Variants in CDH18 observed in about 807,000 individuals in gnomAD.
CDH18 encodes cadherin 18.
In CDH18, 31 loss-of-function variants were observed where a neutral mutation model predicts 67.9. The observed-to-expected ratio is 0.46, with a 90% confidence interval of 0.34 to 0.62. The LOEUF (loss-of-function observed/expected upper bound fraction) is 0.62, where lower values mean the gene tolerates loss of function less well. CDH18 is among the 20% of genes least tolerant of loss of function. The pLI is 0.01. For missense variants in CDH18, 890 were observed against 975.5 expected (o/e 0.91, Z 1.17); for synonymous variants, 362 against 347.2 (o/e 1.04, Z -0.48).
intron 8 of CDH18, among the ~76,000 whole-genome samples, chr5:19,564,196 T>C (rs376406267): frequency 6.8e-4 from 104 of 152,222 alleles, no homozygotes; most frequent in African/African-American, 2.3e-3. Flanking sequence ...TGTGCTGGGC[T>C]TGGAGCCAGT....
At chr5:20,369,846 C>A (rs902695322) in intron 1 of CDH18, among the ~76,000 whole-genome samples, 55 of 152,266 alleles carry the variant, frequency 3.6e-4, no homozygotes, top group African/African-American at 1.3e-3. Flanking sequence ...AACTTTTTAA[C>A]ATAAAATTTC....
chr5:19,649,701 C>T (rs1004435235), intron 5 of CDH18, among the ~76,000 whole-genome samples: 1 of 151,876 alleles, frequency 6.6e-6, no homozygotes, highest in Admixed American at 6.6e-5. Flanking sequence ...AAAAAGGTCT[C>T]ATCATAAAAA....
Position 20,116,893 on chromosome 5 carries a change from A to C in CDH18, c.-517-124879T>G, listed in dbSNP as rs377306844. Among the ~76,000 whole-genome samples, 96 of 152,302 alleles carry C rather than the reference A, an allele frequency of 6.3e-4. No homozygotes were observed. In the South Asian group the frequency reaches 0.017, roughly 27 times the overall value. ...AAAAATCCATGTGGATGGGGTTATA[A>C]AAGTAAACAAAAGAAAACAACATAT... On this transcript the variant is annotated intron_variant, in intron 2 of 14. Coordinates refer to the CDH18 transcript ENST00000507958.
intron 1 of CDH18, among the ~76,000 whole-genome samples, chr5:20,544,220 T>G (rs202175569): frequency 6.7e-6 from 1 of 150,112 alleles, no homozygotes; most frequent in African/African-American, 2.4e-5. Context: ...TGGAGAAATA[T>G]TCACAAGCAT....
intron 1 of CDH18, among the ~76,000 whole-genome samples, chr5:20,470,804 G>T (rs10071162): frequency 0.016 from 2,509 of 152,154 alleles, 67 homozygotes; most frequent in African/African-American, 0.058. Flanking sequence ...CTTACCCCCG[G>T]ACTTAGCACT....
intron 1 of CDH18, among the ~76,000 whole-genome samples, chr5:20,539,159 G>A (rs1756909899): frequency 6.6e-6 from 1 of 151,832 alleles, no homozygotes; most frequent in African/African-American, 2.4e-5. Flanking sequence ...AAAAAGTGCT[G>A]GTATTACAGG....
intron 1 of CDH18, among the ~76,000 whole-genome samples, chr5:20,382,447 C>A (rs1743986273): frequency 6.6e-6 from 1 of 152,020 alleles, no homozygotes; most frequent in South Asian, 2.1e-4. Context: ...CTGGCTAATT[C>A]ATGGAAGACA....
intron 1 of CDH18, among the ~76,000 whole-genome samples, chr5:20,269,167 A>C (rs968858381): frequency 9.2e-5 from 14 of 152,212 alleles, no homozygotes; most frequent in Non-Finnish European, 7.3e-5. Flanking sequence ...AATGCAAGTC[A>C]AAACCACAAT....
At chr5:20,509,166 G>A (rs1033931373) in intron 1 of CDH18, among the ~76,000 whole-genome samples, 3 of 152,004 alleles carry the variant, frequency 2.0e-5, no homozygotes, top group African/African-American at 7.2e-5. Context: ...TAGTCCCCAT[G>A]TTGTACAATA....
chr5:19,837,706 T>C (rs1212755959), intron 3 of CDH18, among the ~76,000 whole-genome samples: 1 of 152,134 alleles, frequency 6.6e-6, no homozygotes, highest in African/African-American at 2.4e-5. Flanking sequence ...ACAGATGGCT[T>C]GTGATCCTGT....
chr5:19,916,241 A>G (rs976116809), intron 2 of CDH18, among the ~76,000 whole-genome samples: 14 of 152,132 alleles, frequency 9.2e-5, no homozygotes, highest in Non-Finnish European at 1.8e-4. Flanking sequence ...GCCTCTAGTT[A>G]CTTCTCTGAC....
At chr5:19,735,888 T>C (rs1468185986) in intron 4 of CDH18, among the ~76,000 whole-genome samples, 1 of 152,196 alleles carries the variant, frequency 6.6e-6, no homozygotes, top group Admixed American at 6.5e-5. Flanking sequence ...CAAAACACTG[T>C]GCATTTTTAC....
intron 2 of CDH18, among the ~76,000 whole-genome samples, chr5:19,964,073 A>C (rs1293798889): frequency 6.6e-6 from 1 of 152,126 alleles, no homozygotes; most frequent in East Asian, 1.9e-4. Flanking sequence ...GAGTGAGGAC[A>C]CAGCCAAACC....
intron 5 of CDH18, among the ~76,000 whole-genome samples, chr5:19,630,962 T>G (rs926186278): frequency 9.2e-5 from 14 of 152,014 alleles, no homozygotes; most frequent in African/African-American, 3.4e-4. Flanking sequence ...TCTCTTAAAA[T>G]AAAACCAGAA....
At chr5:19,603,156 A>G (rs1747432869) in intron 6 of CDH18, among the ~76,000 whole-genome samples, 1 of 152,182 alleles carries the variant, frequency 6.6e-6, no homozygotes, top group African/African-American at 2.4e-5. Flanking sequence ...CAGTATACAC[A>G]TTAAATAAAA....
intron 1 of CDH18, among the ~76,000 whole-genome samples, chr5:20,458,804 T>A (rs1169422200): frequency 6.6e-6 from 1 of 152,180 alleles, no homozygotes; most frequent in Non-Finnish European, 1.5e-5. Flanking sequence ...TTGTAACACA[T>A]CACTCCACTA....
chr5:20,023,537 T>C (rs1409080967), intron 2 of CDH18, among the ~76,000 whole-genome samples: 1 of 151,676 alleles, frequency 6.6e-6, no homozygotes, highest in Non-Finnish European at 1.5e-5. Context: ...CGGGCACCTG[T>C]ACTCCCAGCT....
chr5:20,259,009 C>A (rs1406689951), intron 1 of CDH18, among the ~76,000 whole-genome samples: 2 of 152,108 alleles, frequency 1.3e-5, no homozygotes, highest in Non-Finnish European at 2.9e-5. Flanking sequence ...TTATCACCCA[C>A]AACAGAAAAC....
chr5:20,039,823 C>T (rs1399181746), intron 2 of CDH18, among the ~76,000 whole-genome samples: 2 of 152,120 alleles, frequency 1.3e-5, no homozygotes, highest in Non-Finnish European at 2.9e-5. Context: ...AAAGCAATGG[C>T]AACAAAAGCC....
Sources: allele counts gnomAD v4.1 joint callset (sites outside exome capture counted in the v4.1 genomes callset), GRCh38; gene constraint gnomAD v4.1.1; transcripts MANE v1.5; gene names NCBI Gene and HGNC (gene_info 2026-07-23, HGNC 2026-07-21).